Variants in CACNA2D3 observed in about 807,000 individuals in gnomAD.
CACNA2D3 encodes voltage-dependent calcium channel subunit alpha-2/delta-3.
Under a neutral mutation model 160.6 loss-of-function variants are expected in CACNA2D3, and 60 were observed. The ratio of observed to expected loss-of-function variants is 0.37; its 90% CI spans 0.30 to 0.46. The LOEUF (loss-of-function observed/expected upper bound fraction) is 0.46, where lower values mean the gene tolerates loss of function less well. Among genes scored for constraint, CACNA2D3 ranks in the 20% least tolerant of loss-of-function variants. CACNA2D3 has a pLI of 1.00. For missense variants in CACNA2D3, 1,205 were observed against 1,365.0 expected, an observed-to-expected ratio of 0.88 and a Z score of 1.85; for synonymous variants, 558 against 492.9, an observed-to-expected ratio of 1.13 and a Z score of -1.75.
At chr3:54,368,690 G>GTTTT (rs1312465408) in intron 3 of CACNA2D3, among the ~76,000 whole-genome samples, 7 of 84,664 alleles carry the variant, frequency 8.3e-5, no homozygotes, top group East Asian at 3.6e-4. Flanking sequence ...TGGGGGTAGG[G>GTTTT]TTCTTTTTTT....
intron 32 of CACNA2D3, among the ~76,000 whole-genome samples, chr3:55,006,715 T>A (rs1703102296): frequency 1.3e-5 from 2 of 152,202 alleles, no homozygotes; most frequent in Non-Finnish European, 2.9e-5. Context: ...GTTGTTGTTG[T>A]TGTTCTGCTC....
intron 5 of CACNA2D3, among the ~76,000 whole-genome samples, chr3:54,561,613 G>A (rs944005562): frequency 1.2e-4 from 18 of 152,064 alleles, no homozygotes; most frequent in African/African-American, 4.1e-4. Context: ...CCAATATTGT[G>A]TTGAATAGGA....
chr3:54,299,398 C>T (rs1430366049), intron 2 of CACNA2D3, among the ~76,000 whole-genome samples: 1 of 152,082 alleles, frequency 6.6e-6, no homozygotes, highest in Non-Finnish European at 1.5e-5. Flanking sequence ...GGAGTGTTTG[C>T]GCAAGTCTGG....
In CACNA2D3 at chr3:54,537,176, G is replaced by A. The variant is rs114885887; in HGVS notation, c.545-25624G>A. 1.7e-3 allele frequency among the ~76,000 whole-genome samples: 258 copies of A among 152,140 alleles called. 2 individuals are homozygous for A. Among genetic ancestry groups the A allele is most frequent in the African/African-American group, 5.9e-3 (247 of 41,534 alleles). ...GAGACACACAGAGCAGAGGATTGCA[G>A]GCATGTTGATCATCTCATGAAGAGC... On this transcript the variant is annotated intron_variant, in intron 5 of 37. Transcript: ENST00000474759.
At chr3:54,854,834 G>A (rs1406497405) in intron 17 of CACNA2D3, among the ~76,000 whole-genome samples, 1 of 152,138 alleles carries the variant, frequency 6.6e-6, no homozygotes, top group Non-Finnish European at 1.5e-5. Context: ...AATGTGTCAA[G>A]CAAAAAGTAA....
chr3:54,346,809 C>T (rs989770495), intron 3 of CACNA2D3, among the ~76,000 whole-genome samples: 5 of 152,188 alleles, frequency 3.3e-5, no homozygotes, highest in African/African-American at 9.6e-5. Flanking sequence ...AATAGTTTGA[C>T]TGCCCTAAAA....
At chr3:54,891,217 G>C (rs1700058926) in intron 24 of CACNA2D3, 138 bp from the exon 25 acceptor site, 1 of 621,166 alleles carries the variant, frequency 1.6e-6, no homozygotes, top group Non-Finnish European at 2.9e-6. Flanking sequence ...GTGTGTGTGT[G>C]TGTGTTTCTG....
intron 4 of CACNA2D3, among the ~76,000 whole-genome samples, chr3:54,420,004 G>C (rs1025802161): frequency 3.9e-5 from 6 of 152,122 alleles, no homozygotes; most frequent in Non-Finnish European, 7.4e-5. Context: ...GACCTCAGGT[G>C]ATCCACCCGC....
At chr3:54,799,641 G>A (rs1013860997) in intron 13 of CACNA2D3, among the ~76,000 whole-genome samples, 2 of 152,208 alleles carry the variant, frequency 1.3e-5, no homozygotes, top group Non-Finnish European at 2.9e-5. Context: ...GCTGCCTTTT[G>A]TAGGGAATAT....
At chr3:54,486,444 C>G (rs560311427) in intron 4 of CACNA2D3, among the ~76,000 whole-genome samples, 1 of 152,286 alleles carries the variant, frequency 6.6e-6, no homozygotes, top group Non-Finnish European at 1.5e-5. Flanking sequence ...CTCAGGACTC[C>G]AGCAACCCAA....
chr3:54,501,294 T>C (rs541211878), intron 4 of CACNA2D3, among the ~76,000 whole-genome samples: 1 of 152,342 alleles, frequency 6.6e-6, no homozygotes, highest in African/African-American at 2.4e-5. Flanking sequence ...ATTTCACTTA[T>C]CCATAGACAG....
intron 3 of CACNA2D3, among the ~76,000 whole-genome samples, chr3:54,353,678 T>G (rs764646258): frequency 6.6e-6 from 1 of 152,124 alleles, no homozygotes; most frequent in Non-Finnish European, 1.5e-5. Flanking sequence ...GAAATGACCT[T>G]GTGGAAGCAT....
chr3:54,736,743 G>T (rs1213974490), intron 11 of CACNA2D3, among the ~76,000 whole-genome samples: 1 of 152,114 alleles, frequency 6.6e-6, no homozygotes, highest in Non-Finnish European at 1.5e-5. Context: ...ACTTTGCCCT[G>T]TTATTGTGTT....
chr3:54,888,987 A>C (rs1005609239), intron 24 of CACNA2D3, among the ~76,000 whole-genome samples: 9 of 152,228 alleles, frequency 5.9e-5, no homozygotes, highest in Admixed American at 1.3e-4. Context: ...AAGACACATA[A>C]AGTGTAACAG....
chr3:54,476,751 G>A (rs1175167292), intron 4 of CACNA2D3, among the ~76,000 whole-genome samples: 2 of 152,026 alleles, frequency 1.3e-5, no homozygotes, highest in Admixed American at 1.3e-4. Context: ...TTTAAACTAG[G>A]TTGTTTGTTT....
rs539627100 is a variant in CACNA2D3, at chr3:54,883,098, G to A, written c.1913-2183G>A. On this transcript the variant is annotated intron_variant, in intron 21 of 37. Coordinates refer to ENST00000474759, the MANE Select transcript of CACNA2D3 (RefSeq NM_018398.3). ...TGCAATGGTGTGATCTCAGCTCACT[G>A]CAGCCTCCACCATCTCCTGGGTTCA... Among the ~76,000 whole-genome samples, 11 of 152,170 alleles carry A rather than the reference G, an allele frequency of 7.2e-5. No individual in the cohort carries two copies. The East Asian group carries it at 1.9e-3, about 27-fold the overall frequency.
intron 11 of CACNA2D3, among the ~76,000 whole-genome samples, chr3:54,698,593 G>A (rs748514856): frequency 1.3e-5 from 2 of 152,126 alleles, no homozygotes; most frequent in Non-Finnish European, 2.9e-5. Flanking sequence ...GGAAGGGCAA[G>A]CGAGGGATTA....
intron 27 of CACNA2D3, among the ~76,000 whole-genome samples, chr3:54,908,493 A>G (rs1447905566): frequency 1.3e-5 from 2 of 152,186 alleles, no homozygotes; most frequent in Non-Finnish European, 2.9e-5. Flanking sequence ...AGTCAGGTAG[A>G]TTGCTTGAAC....
At chr3:54,990,053 AC>A (rs981542193) in intron 31 of CACNA2D3, among the ~76,000 whole-genome samples, 2 of 152,174 alleles carry the variant, frequency 1.3e-5, no homozygotes, top group African/African-American at 4.8e-5. Context: ...GAAGTCATGC[AC>A]CATATTGAAT....
Sources: gnomAD v4.1 joint callset for allele counts (sites outside exome capture counted in the v4.1 genomes callset) on GRCh38, gnomAD v4.1.1 for gene constraint, MANE v1.5 for transcripts, NCBI Gene and HGNC (gene_info 2026-07-23, HGNC 2026-07-21) for gene names.